Variants in CCM2 observed in about 807,000 individuals in gnomAD.
The protein encoded by CCM2 is CCM2 scaffold protein.
Under a neutral mutation model 44.9 loss-of-function variants are expected in CCM2, and 25 were observed. The ratio of observed to expected loss-of-function variants is 0.56; its 90% confidence interval spans 0.41 to 0.78. CCM2 has a LOEUF of 0.78. Among genes scored for constraint, CCM2 ranks in the 30% least tolerant of loss-of-function variants. The probability of loss-of-function intolerance (pLI) is 0.00; values close to 1 mark genes in which losing one functional copy is unlikely to be tolerated. For synonymous variants in CCM2, 219 were observed against 241.1 expected (o/e 0.91, Z 0.85); for missense variants, 481 against 580.6 (o/e 0.83, Z 1.76).
At chr7:45,066,741 C>T (rs1224205716) in intron 4 of CCM2, among the ~76,000 whole-genome samples, 1 of 152,110 alleles carries the variant, frequency 6.6e-6, no homozygotes, top group Non-Finnish European at 1.5e-5. Flanking sequence ...ATAGGAGAGG[C>T]ACACAACTCG....
In CCM2 at chr7:45,068,544, G is replaced by T; in HGVS notation, c.574G>T (p.Ala192Ser). The T allele has an allele frequency of 1.2e-6, 2 of 1,614,138 alleles. No homozygotes were observed. Among genetic ancestry groups the T allele is most frequent in the African/African-American group, 1.3e-5 (1 of 75,060 alleles). The change falls in exon 5 of 10, where the codon GCA becomes TCA. Residue 192 changes from alanine to serine, a missense_variant. Coordinates refer to ENST00000258781, the MANE Select transcript of CCM2 (RefSeq NM_031443.4). Reference sequence around the variant, plus strand: ...GGAGAGTGCAGTTGGGCCCGTGGAGGCATGCTGCCTGGTCATCCTGGCTGC... The same window carrying T: ...GGAGAGTGCAGTTGGGCCCGTGGAGTCATGCTGCCTGGTCATCCTGGCTGC... ...LSESAVGPVE[A>S]CCLVILAAES...
At chr7:45,033,248 C>T (rs538091181) in intron 1 of CCM2, among the ~76,000 whole-genome samples, 9 of 152,130 alleles carry the variant, frequency 5.9e-5, no homozygotes, top group Admixed American at 1.3e-4. Flanking sequence ...GATTGTAGGA[C>T]GGGGGAGCGC....
At chr7:45,075,469 G>A (rs1174928926) in intron 9 of CCM2, among the ~76,000 whole-genome samples, 1 of 152,274 alleles carries the variant, frequency 6.6e-6, no homozygotes, top group African/African-American at 2.4e-5. Context: ...AATAGAGAAT[G>A]AGAGGAGGCC....
At chr7:45,028,710 G>A (rs112229277) in intron 1 of CCM2, among the ~76,000 whole-genome samples, 1 of 151,978 alleles carries the variant, frequency 6.6e-6, no homozygotes, top group East Asian at 1.9e-4. Flanking sequence ...GGTGCACACC[G>A]GCTGTGTCAT....
chr7:45,073,351 C>T (rs1799176990), intron 7 of CCM2, 109 bp from the exon 8 acceptor site: 3 of 733,356 alleles, frequency 4.1e-6, no homozygotes, highest in East Asian at 2.7e-5. Context: ...TTACATTCCT[C>T]TGTTCAAGGA....
chr7:45,046,465 T>C (rs942502225), intron 2 of CCM2, among the ~76,000 whole-genome samples: 1 of 152,194 alleles, frequency 6.6e-6, no homozygotes, highest in African/African-American at 2.4e-5. Context: ...AGCTGATTCT[T>C]GACAAAGGTT....
At chr7:45,003,507 C>T (rs531801834) in intron 1 of CCM2, among the ~76,000 whole-genome samples, 3 of 152,044 alleles carry the variant, frequency 2.0e-5, no homozygotes, top group African/African-American at 7.2e-5. Context: ...CCGAAGCAGG[C>T]GGATCACTTG....
intron 1 of CCM2, among the ~76,000 whole-genome samples, chr7:45,010,414 T>C (rs1397882237): frequency 6.6e-6 from 1 of 152,236 alleles, no homozygotes; most frequent in Admixed American, 6.5e-5. Context: ...TAGAACTTCA[T>C]ACAGATGGAT....
At chr7:45,015,754 G>T (rs901526178) in intron 1 of CCM2, among the ~76,000 whole-genome samples, 2 of 152,160 alleles carry the variant, frequency 1.3e-5, no homozygotes, top group South Asian at 4.1e-4. Context: ...GGAAGGGATA[G>T]TGAGAAGACA....
chr7:45,061,407 T>C (rs915773299), intron 2 of CCM2, among the ~76,000 whole-genome samples: 2 of 152,260 alleles, frequency 1.3e-5, no homozygotes, highest in East Asian at 3.9e-4. Context: ...GAAAGCCCTT[T>C]GTTAAGGATA....
chr7:45,021,737 GGGA>G lies in CCM2; in HGVS notation c.31-16504_31-16502del, dbSNP rs920731955. Among the ~76,000 whole-genome samples, 4 of 151,954 alleles carry G rather than the reference GGGA, an allele frequency of 2.6e-5. 1 individual carries two copies. In the East Asian group the frequency reaches 7.7e-4, roughly 29 times the overall value. On this transcript the variant is annotated intron_variant, in intron 1 of 9. Coordinates refer to ENST00000258781, the MANE Select transcript of CCM2 (RefSeq NM_031443.4). The stretch of plus-strand genomic sequence containing the variant: ...GAATGGGGCAGGGGAAGATGAGACA[GGGA>G]GGAGGAGGAGGGGAGGAGAGGGGAA...
chr7:45,064,598 G>A lies in CCM2; in HGVS notation c.424G>A (p.Val142Ile), dbSNP rs139533504. 45 of 1,613,876 alleles carry A rather than the reference G, an allele frequency of 2.8e-5. No homozygotes were observed. Among genetic ancestry groups the A allele is most frequent in the Middle Eastern group, 1.7e-4 (1 of 5,968 alleles). The change falls in exon 4 of 10, where the codon GTC (valine) becomes ATC (isoleucine). Residue 142 changes from valine (V) to isoleucine (I), a missense_variant. Val to Ile is a conservative substitution (Grantham distance 29). Coordinates refer to ENST00000258781, the MANE Select transcript of CCM2 (RefSeq NM_031443.4). ...LRVPIHDIAA[V>I]SYVRDDAAHL... ...GGTGCCCATCCATGACATCGCCGCC[G>A]TCTCCTATGTTCGGGATGACGCTGC...
intron 2 of CCM2, among the ~76,000 whole-genome samples, chr7:45,062,345 T>C (rs1236027923): frequency 6.6e-6 from 1 of 152,164 alleles, no homozygotes; most frequent in Non-Finnish European, 1.5e-5. Flanking sequence ...TTGAAAATGT[T>C]ATGGTGGTTG....
At chr7:45,073,079 C>G (rs748833243) in intron 7 of CCM2, 23 of 589,868 alleles carry the variant, frequency 3.9e-5, no homozygotes, top group Non-Finnish European at 6.1e-5. Context: ...CCGAGCCTGC[C>G]GAGGCGCTGG....
intron 1 of CCM2, among the ~76,000 whole-genome samples, chr7:45,016,913 G>A (rs556955722): frequency 3.9e-5 from 6 of 152,104 alleles, no homozygotes; most frequent in African/African-American, 9.7e-5. Flanking sequence ...GATTACAGGC[G>A]TGAGCCACCT....
At chr7:45,063,375 T>A (rs969702271) in intron 2 of CCM2, among the ~76,000 whole-genome samples, 96 of 152,266 alleles carry the variant, frequency 6.3e-4, no homozygotes, top group African/African-American at 2.0e-3. Flanking sequence ...CCTGGCCTAA[T>A]CACCTCTTAA....
chr7:45,061,314 A>C (rs1309675820), intron 2 of CCM2, among the ~76,000 whole-genome samples: 1 of 151,996 alleles, frequency 6.6e-6, no homozygotes, highest in Non-Finnish European at 1.5e-5. Flanking sequence ...CCCTTAGGAG[A>C]GACATAAACG....
chr7:45,074,825 C>G (rs137958979), intron 9 of CCM2, among the ~76,000 whole-genome samples: 2 of 152,244 alleles, frequency 1.3e-5, no homozygotes, highest in African/African-American at 4.8e-5. Flanking sequence ...TTGCCAAGAC[C>G]CCTAAAATGC....
chr7:45,052,809 A>T (rs1197969219), intron 2 of CCM2, among the ~76,000 whole-genome samples: 4 of 152,124 alleles, frequency 2.6e-5, no homozygotes, highest in Non-Finnish European at 5.9e-5. Context: ...AGCAGCATTA[A>T]TCTCTGCTTT....
Sources: allele counts gnomAD v4.1 joint callset (sites outside exome capture counted in the v4.1 genomes callset), GRCh38; gene constraint gnomAD v4.1.1; transcripts MANE v1.5; gene names NCBI Gene and HGNC (gene_info 2026-07-23, HGNC 2026-07-21).